Variants in ARHGEF40 observed in about 807,000 individuals in gnomAD.
ARHGEF40 encodes Rho guanine nucleotide exchange factor (GEF) 40.
ARHGEF40 carries 98 observed loss-of-function variants against 165.9 expected under a neutral mutation model. The observed-to-expected ratio is 0.59, with a 90% CI of 0.50 to 0.70. The LOEUF is 0.70. Ranked by LOEUF, ARHGEF40 falls within the 30% of genes least tolerant of loss-of-function variation. The pLI is 0.00. For missense variants in ARHGEF40, 1,815 were observed against 1,968.0 expected (o/e 0.92, Z 1.47); for synonymous variants, 792 against 814.3 (o/e 0.97, Z 0.47).
At position 21,074,003 on chromosome 14, in the gene ARHGEF40, G is replaced by T. The variant is rs1180978661; in HGVS notation, c.273G>T (p.Gln91His). 2.5e-6 allele frequency: 4 copies of T among 1,613,588 alleles called. No individual in the cohort carries two copies. The African/African-American group carries it at 5.3e-5, about 22-fold the overall frequency. Residue 91 changes from glutamine to histidine, a missense_variant, in exon 3 of 24, where the codon CAG becomes CAT. Gln to His is a conservative substitution (Grantham distance 24). Transcript: ENST00000298694. This position sits in a 1 kb window ranked among gnomAD's most constrained non-coding sequence, Gnocchi z 4.8. ...GCCTGCATGAACAGGTGGTGGTGCA[G>T]CTAGCAGCCCTACCCTGGCAACTGC... Reference protein sequence around the residue: ...PLCLHEQVVVQLAALPWQLLR... With the variant: ...PLCLHEQVVVHLAALPWQLLR...
Position 21,070,441 on chromosome 14 carries a change from G to C in ARHGEF40, c.3+42G>C. On this transcript the variant is annotated intron_variant, in intron 1 of 23. Coordinates refer to ENST00000298694, the MANE Select transcript of ARHGEF40 (RefSeq NM_018071.5). This position sits in a 1 kb window ranked among gnomAD's most constrained non-coding sequence, Gnocchi z 4.7. ...AGCCCCCTGGGTCCCCTCGGCCTTC[G>C]CGCAGCCCGCTCCGGGCCCCCAAGT... is the stretch of plus-strand genomic sequence containing the variant. 1.5e-6 allele frequency: 2 copies of C among 1,370,608 alleles called. No homozygotes were observed. The highest frequency in any genetic ancestry group is 1.5e-5 in the African/African-American group (1 of 65,780). 84.9% of individuals were successfully genotyped at this position (1,370,608 alleles called of 1,614,324 possible).
rs377542828 is a variant in ARHGEF40 at position 21,074,593 on chromosome 14, C to G, written c.863C>G (p.Ala288Gly). Reference protein sequence around the residue: ...GGKGRHRRHRAWMHQKGLGPR... With the variant: ...GGKGRHRRHRGWMHQKGLGPR... ...AAGGGCCGCCACCGGAGACACCGGG[C>G]GTGGATGCACCAGAAGGGCCTGGGG... Residue 288 changes from alanine to glycine, a missense_variant, in exon 3 of 24, where the codon GCG becomes GGG. Physicochemically the swap from Ala to Gly is moderately conservative, Grantham distance 60 (BLOSUM62 0). Coordinates refer to ENST00000298694, the MANE Select transcript of ARHGEF40 (RefSeq NM_018071.5). This position sits in a 1 kb window ranked among gnomAD's most constrained non-coding sequence, Gnocchi z 4.8. 4 of 1,567,532 alleles carry G rather than the reference C, an allele frequency of 2.6e-6. No homozygotes were observed. Among genetic ancestry groups the G allele is most frequent in the Non-Finnish European group, 1.7e-6 (2 of 1,156,836 alleles).
Position 21,087,953 on chromosome 14 carries a change from T to C in ARHGEF40, c.4388-15T>C. On this transcript the variant is annotated splice_polypyrimidine_tract_variant and intron_variant, in intron 21 of 23. Transcript: ENST00000298694. ...GGGATTCTGTACTCTGCTCTCACCC[T>C]AGCTTCCCCTTCAGCCCCAGAAACA... 2 of 1,613,778 alleles carry C rather than the reference T, an allele frequency of 1.2e-6. No individual in the cohort carries two copies. The highest frequency in any genetic ancestry group is 1.7e-6 in the Non-Finnish European group (2 of 1,180,004).
chr14:21,074,718 G>GTA lies in ARHGEF40; in HGVS notation c.989_990insAT (p.Leu331SerfsTer21), dbSNP rs1566523957. ...AGCTGAGGCTGTCCCAGAGGCAGCA[G>GTA]TCTTGGAGGTGTCTGAGCCCCCAGC... is the stretch of plus-strand genomic sequence containing the variant. On this transcript the variant is annotated frameshift_variant, in exon 3 of 24. Coordinates refer to ENST00000298694, the MANE Select transcript of ARHGEF40 (RefSeq NM_018071.5). LOFTEE classifies it high-confidence loss of function. This position sits in a 1 kb window ranked among gnomAD's most constrained non-coding sequence, Gnocchi z 4.8. The GTA allele has an allele frequency of 6.2e-7, 1 of 1,600,548 alleles. No individual in the cohort carries two copies. Among genetic ancestry groups the GTA allele is most frequent in the South Asian group, 1.1e-5 (1 of 89,608 alleles).
At position 21,085,845 on chromosome 14, in the gene ARHGEF40, A is replaced by G. The variant is rs746213306; in HGVS notation, c.4117A>G (p.Arg1373Gly). The change falls in exon 19 of 24, where the codon AGA becomes GGA. Residue 1373 changes from arginine (R) to glycine (G), a missense_variant. Transcript: ENST00000298694. Reference protein sequence around the residue: ...WTSSIAQLLWRQAAHNKELRV... With the variant: ...WTSSIAQLLWGQAAHNKELRV... ...AAGTTCTATTGCCCAGCTGCTGTGG[A>G]GACAGGCAGCCCACAACAAGGGTAC... 3.1e-6 allele frequency: 5 copies of G among 1,614,068 alleles called. No individual in the cohort carries two copies. The highest frequency in any genetic ancestry group is 4.2e-6 in the Non-Finnish European group (5 of 1,180,036).
chr14:21,076,403 C>T lies in ARHGEF40; in HGVS notation c.1783C>T (p.Arg595Cys), dbSNP rs780625866. Residue 595 changes from arginine to cysteine, a missense_variant, in exon 6 of 24, where the codon CGT becomes TGT. By Grantham distance (180) the Arg-to-Cys change is radical (BLOSUM62 -3). Transcript: ENST00000298694. ...TLGLSVLLDLRQAPPLPPALI... is the reference protein window; with the variant it reads ...TLGLSVLLDLCQAPPLPPALI... ...GGGGCTGTCCGTCCTGCTGGACCTT[C>T]GTCAGGCACCTCCACTGCCTCCAGC... The T allele has an allele frequency of 1.9e-6, 3 of 1,613,648 alleles. No individual in the cohort carries two copies. The highest frequency in any genetic ancestry group is 1.1e-5 in the South Asian group (1 of 91,088).
chr14:21,075,451 C>G lies in ARHGEF40; in HGVS notation c.1570C>G (p.Pro524Ala), dbSNP rs138026309. Residue 524 changes from proline to alanine, a missense_variant, in exon 4 of 24, where the codon CCT becomes GCT. Transcript: ENST00000298694. The surrounding 1 kb of genome is among the most constrained non-coding windows in gnomAD (Gnocchi z 4.5). ...CCTTGCAGTCTCCGTCTCTGATCAC[C>G]CTGATGTAGCTTGGGACTTGATGGC... Reference protein sequence around the residue: ...EALAVSVSDHPDVAWDLMASG... With the variant: ...EALAVSVSDHADVAWDLMASG... The G allele has an allele frequency of 1.2e-5, 19 of 1,614,080 alleles. No individual in the cohort carries two copies. In the African/African-American group the frequency reaches 1.7e-4, roughly 15 times the overall value.
At position 21,085,634 on chromosome 14, in the gene ARHGEF40, G is replaced by A. The variant is rs113170017; in HGVS notation, c.3961-55G>A. 852 of 1,571,788 alleles carry A rather than the reference G, an allele frequency of 5.4e-4. 1 individual carries two copies. In the African/African-American group the frequency reaches 8.4e-3, roughly 15 times the overall value. ...CGAAGCCCAGTGCTTGCCATGTGGC[G>A]CCACCCAGCCAGGACTCACTCTGTC... On this transcript the variant is annotated intron_variant, in intron 18 of 23. Coordinates refer to ENST00000298694, the MANE Select transcript of ARHGEF40 (RefSeq NM_018071.5).
At chr14:21,086,028 T>C (rs1337754896) in intron 19 of ARHGEF40, 162 bp downstream of exon 19, 4 of 905,776 alleles carry the variant, frequency 4.4e-6, no homozygotes, top group Non-Finnish European at 4.9e-6. Flanking sequence ...GAAGTAGAAA[T>C]GAGCCTAAGA....
the ARHGEF40 span, among the ~76,000 whole-genome samples, chr14:21,064,601 C>T: frequency 6.6e-6 from 1 of 152,212 alleles, no homozygotes; most frequent in Non-Finnish European, 1.5e-5. Context: ...CGCACCCAGC[C>T]TACTTGATGC....
In ARHGEF40 at chr14:21,070,478, T is replaced by G; in HGVS notation, c.3+79T>G. Reference sequence around the variant, plus strand: ...CCGGGCCCCCAAGTCCTCAGCCTGGTGCCTCCCGAGCCTGCCTCGGACTGT... The same window carrying G: ...CCGGGCCCCCAAGTCCTCAGCCTGGGGCCTCCCGAGCCTGCCTCGGACTGT... On this transcript the variant is annotated intron_variant, in intron 1 of 23. Coordinates refer to ENST00000298694, the MANE Select transcript of ARHGEF40 (RefSeq NM_018071.5). This position sits in a 1 kb window ranked among gnomAD's most constrained non-coding sequence, Gnocchi z 4.7. 1 of 1,351,750 alleles carries G rather than the reference T, an allele frequency of 7.4e-7. No homozygotes were observed. The highest frequency in any genetic ancestry group is 9.5e-7 in the Non-Finnish European group (1 of 1,055,186). 83.7% of individuals were successfully genotyped at this position (1,351,750 alleles called of 1,614,324 possible).
At position 21,082,474 on chromosome 14, in the gene ARHGEF40, G is replaced by A. The variant is rs1037554918; in HGVS notation, c.3482G>A (p.Arg1161His). The change falls in exon 15 of 24, where the codon CGC becomes CAC. Residue 1161 changes from arginine to histidine, a missense_variant. Coordinates refer to ENST00000298694, the MANE Select transcript of ARHGEF40 (RefSeq NM_018071.5). ...CTACGCATTGGGGCCTGCTTCCTTC[G>A]CCACGTGAGTGATCCCCTCAACTTC... ...HPLRIGACFLRHGDQFSLYAQ... is the reference protein window; with the variant it reads ...HPLRIGACFLHHGDQFSLYAQ... 7.0e-6 allele frequency: 11 copies of A among 1,579,024 alleles called. No homozygotes were observed. Among genetic ancestry groups the A allele is most frequent in the African/African-American group, 2.7e-5 (2 of 73,838 alleles).
chr14:21,084,728 C>T (rs1439948662), intron 17 of ARHGEF40, 25 bp from the exon 18 acceptor site: 1 of 1,604,408 alleles, frequency 6.2e-7, no homozygotes, highest in Non-Finnish European at 8.5e-7. Context: ...CCTGGGCCAA[C>T]CACTTTTCCT....
the ARHGEF40 span, among the ~76,000 whole-genome samples, chr14:21,063,957 A>G: frequency 6.6e-6 from 1 of 152,196 alleles, no homozygotes; most frequent in Non-Finnish European, 1.5e-5. Flanking sequence ...CTTCTTTATA[A>G]CTGCAACAAT....
At position 21,074,490 on chromosome 14, in the gene ARHGEF40, GGGAGCCCAA is replaced by G; in HGVS notation, c.761_769del (p.Gly254_Thr257delinsAla). ...GTTAGAGGTGACGCTGCCCGTGAGG[GGGAGCCCAA>G]CAGATGCTGAAGGCTCCCCAGGCCT... On this transcript the variant is annotated inframe_deletion, in exon 3 of 24. Coordinates refer to ENST00000298694, the MANE Select transcript of ARHGEF40 (RefSeq NM_018071.5). The surrounding 1 kb of genome is among the most constrained non-coding windows in gnomAD (Gnocchi z 4.8). 6.4e-7 allele frequency: 1 copy of G among 1,560,560 alleles called. No individual in the cohort carries two copies.
intron 17 of ARHGEF40, 119 bp from the exon 18 acceptor site, chr14:21,084,634 C>T (rs1888195665): frequency 3.5e-6 from 4 of 1,149,504 alleles, no homozygotes; most frequent in Non-Finnish European, 4.9e-6. Flanking sequence ...TCCCTGACTT[C>T]CTGACTCTAC....
intron 10 of ARHGEF40, 151 bp downstream of exon 10, chr14:21,078,639 A>ATGTTGTGAG (rs1246069036): frequency 1.1e-6 from 1 of 942,196 alleles, no homozygotes; most frequent in East Asian, 2.7e-5. Context: ...CATAACCCTC[A>ATGTTGTGAG]CAACATCCTT....
At position 21,075,059 on chromosome 14, in the gene ARHGEF40, T is replaced by C; in HGVS notation, c.1329T>C (p.Ser443=). ...ATGAAGGCTCAGGGAAGCCAGAATC[T>C]GAGCCAAAAGAGCTCAAAACAGCAG... ...EEYEGSGKPE[S]EPKELKTAGE... Residue 443 remains serine, a synonymous_variant, in exon 3 of 24, where the codon TCT becomes TCC. Coordinates refer to ENST00000298694, the MANE Select transcript of ARHGEF40 (RefSeq NM_018071.5). This position sits in a 1 kb window ranked among gnomAD's most constrained non-coding sequence, Gnocchi z 4.5. 6.2e-7 allele frequency: 1 copy of C among 1,614,088 alleles called. No individual in the cohort carries two copies. The highest frequency in any genetic ancestry group is 8.5e-7 in the Non-Finnish European group (1 of 1,180,034).
chr14:21,088,151 G>C, intron 22 of ARHGEF40, 53 bp downstream of exon 22: 1 of 1,551,366 alleles, frequency 6.4e-7, no homozygotes, highest in African/African-American at 1.4e-5. Flanking sequence ...GCTGCTTTCT[G>C]GATGGGCTTT....
Sources: allele counts gnomAD v4.1 joint callset (sites outside exome capture counted in the v4.1 genomes callset), GRCh38; gene constraint gnomAD v4.1.1; non-coding constraint Gnocchi (gnomAD v3.1); transcripts MANE v1.5; gene names NCBI Gene and HGNC (gene_info 2026-07-23, HGNC 2026-07-21).